The following ZNF655 variants were observed in gnomAD, a reference collection of about 807,000 sequenced individuals.
The protein encoded by ZNF655 is Vav-interacting Kruppel-like protein 1.
Under a neutral mutation model 6.6 loss-of-function variants are expected in ZNF655, and 3 were observed. That is an observed-to-expected ratio of 0.46 (90% CI 0.21 to 1.18). The LOEUF is 1.18. Among genes scored for constraint, ZNF655 ranks in the 50% most tolerant of loss-of-function variants. ZNF655 has a pLI of 0.24. For synonymous variants in ZNF655, 178 were observed against 195.0 expected, an observed-to-expected ratio of 0.91 and a Z score of 0.73; for missense variants, 526 against 572.3, an observed-to-expected ratio of 0.92 and a Z score of 0.83.
chr7:99,574,056 A>T lies in ZNF655; in HGVS notation c.*472A>T, dbSNP rs1383283013. On this transcript the variant is annotated 3_prime_UTR_variant, in exon 3 of 3. Coordinates refer to ENST00000252713, the MANE Select transcript of ZNF655 (RefSeq NM_138494.3). Reference sequence around the variant, plus strand: ...TCAGTCATAACCCAACGCTCATTCAACATCAAAGAATTTATACCTAAGAGA... The same window carrying T: ...TCAGTCATAACCCAACGCTCATTCATCATCAAAGAATTTATACCTAAGAGA... 6.4e-6 allele frequency: 1 copy of T among 156,446 alleles called. No individual in the cohort carries two copies. Among genetic ancestry groups the T allele is most frequent in the Non-Finnish European group, 1.4e-5 (1 of 70,542 alleles). 9.7% of individuals were successfully genotyped at this position (156,446 alleles called of 1,614,324 possible).
intron 2 of ZNF655, chr7:99,563,278 TC>T (rs1199743478): frequency 3.4e-6 from 1 of 291,256 alleles, no homozygotes; most frequent in Non-Finnish European, 6.8e-6. Flanking sequence ...TGAGCATTGT[TC>T]CTTTTTCTTT....
chr7:99,560,940 T>TGGA lies in ZNF655; in HGVS notation c.136+245_136+246insGGA, dbSNP rs1803097378. ...CTTACTCGCTGTGGTGGTTTTTCCT[T>TGGA]CAGGCAACCTTCACTTCATCCCAGT... On this transcript the variant is annotated intron_variant, in intron 2 of 2. Transcript: ENST00000252713. The TGGA allele has an allele frequency of 2.8e-5, 10 of 356,190 alleles. No homozygotes were observed. The East Asian group carries it at 4.9e-4, about 17-fold the overall frequency. The allele number at this position is 356,190 out of a possible 1,614,324, so 22.1% of individuals were successfully genotyped here. A position where few individuals can be genotyped will look rare whatever the true frequency, so the allele number is the denominator to read the frequency against.
In ZNF655 at chr7:99,560,370, G is replaced by A. The variant is rs368000174; in HGVS notation, c.-27-163G>A. The stretch of plus-strand genomic sequence containing the variant: ...AAGTGCTGGGATTACAGGCCACTGC[G>A]CCTGGCCCCATTTTTCTGTTACTTA... On this transcript the variant is annotated intron_variant, in intron 1 of 2. Coordinates refer to ENST00000252713, the MANE Select transcript of ZNF655 (RefSeq NM_138494.3). 8.2e-5 allele frequency: 49 copies of A among 598,444 alleles called. 1 individual carries two copies. Among genetic ancestry groups the A allele is most frequent in the African/African-American group, 6.0e-4 (31 of 52,008 alleles). 37.1% of individuals were successfully genotyped at this position (598,444 alleles called of 1,614,324 possible). A position where few individuals can be genotyped will look rare whatever the true frequency, so the allele number is the denominator to read the frequency against.
chr7:99,560,791 GAATA>G, intron 2 of ZNF655, 96 bp downstream of exon 2: 1 of 1,491,354 alleles, frequency 6.7e-7, no homozygotes, highest in Admixed American at 2.0e-5. Flanking sequence ...CCAAGAACTG[GAATA>G]AGAACATGGT....
chr7:99,563,971 C>G (rs369712380), intron 2 of ZNF655: 26 of 1,614,024 alleles, frequency 1.6e-5, no homozygotes, highest in Non-Finnish European at 2.0e-5. Context: ...GCCGTCCTTA[C>G]AGCAGGAATC....
chr7:99,576,050 G>T lies in ZNF655; in HGVS notation c.*2466G>T, dbSNP rs181244314. The T allele has an allele frequency of 9.9e-5, 15 of 152,236 alleles. No homozygotes were observed. The highest frequency in any genetic ancestry group is 3.6e-4 in the African/African-American group (15 of 41,530). The allele number at this position is 152,236 out of a possible 1,614,324, so 9.4% of individuals were successfully genotyped here. ...CAGTCCAGCAATTGAGGCTTTCATA[G>T]TTCAGTGTTATAATATTCAGTAGGG... On this transcript the variant is annotated 3_prime_UTR_variant, in exon 3 of 3. Transcript: ENST00000252713.
intron 2 of ZNF655, among the ~76,000 whole-genome samples, chr7:99,569,266 A>G (rs1803861689): frequency 6.6e-6 from 1 of 152,222 alleles, no homozygotes; most frequent in Non-Finnish European, 1.5e-5. Context: ...TAATACATTA[A>G]TTTTAAACAG....
At chr7:99,565,759 A>G (rs1201821701) in intron 2 of ZNF655, among the ~76,000 whole-genome samples, 1 of 152,186 alleles carries the variant, frequency 6.6e-6, no homozygotes, top group East Asian at 1.9e-4. Context: ...GTGCCCTATT[A>G]GATGATGGCC....
rs778687034 is a variant in ZNF655 at position 99,560,740 on chromosome 7, A to C, written c.136+45A>C. The stretch of plus-strand genomic sequence containing the variant: ...TCCGTCTGGGAGAGTGGGAGTGCGG[A>C]GGGGCTCCCGAGGGGGCTCCTGGGC... On this transcript the variant is annotated intron_variant, in intron 2 of 2. Coordinates refer to ENST00000252713, the MANE Select transcript of ZNF655 (RefSeq NM_138494.3). 6 of 1,600,760 alleles carry C rather than the reference A, an allele frequency of 3.7e-6. No homozygotes were observed. In the African/African-American group the frequency reaches 6.7e-5, roughly 18 times the overall value.
chr7:99,567,127 C>T (rs1394871155), intron 2 of ZNF655, among the ~76,000 whole-genome samples: 2 of 152,066 alleles, frequency 1.3e-5, no homozygotes, highest in Non-Finnish European at 2.9e-5. Flanking sequence ...GCCATGTTGG[C>T]CAGGCTGGTC....
chr7:99,568,303 T>G (rs1284563887), intron 2 of ZNF655, among the ~76,000 whole-genome samples: 5 of 137,656 alleles, frequency 3.6e-5, no homozygotes, highest in African/African-American at 1.4e-4. Context: ...CAGGCTGGAG[T>G]GTAGTGGCGT....
intron 2 of ZNF655, chr7:99,562,305 A>T (rs1227975312): frequency 1.3e-6 from 2 of 1,597,048 alleles, no homozygotes; most frequent in South Asian, 2.3e-5. Flanking sequence ...TATGATCTTC[A>T]TTCTCTGGCC....
At chr7:99,561,287 A>G (rs1229195875) in intron 2 of ZNF655, among the ~76,000 whole-genome samples, 1 of 152,216 alleles carries the variant, frequency 6.6e-6, no homozygotes, top group Non-Finnish European at 1.5e-5. Context: ...TTTGTTTTAT[A>G]AGAGCTGTGT....
intron 2 of ZNF655, among the ~76,000 whole-genome samples, chr7:99,565,691 G>A (rs749674234): frequency 2.7e-4 from 41 of 152,250 alleles, no homozygotes; most frequent in Middle Eastern, 3.4e-3. Flanking sequence ...TACTTAGTGT[G>A]GTAGATTAAG....
chr7:99,563,147 G>A (rs1357954744), intron 2 of ZNF655: 1 of 451,410 alleles, frequency 2.2e-6, no homozygotes, highest in African/African-American at 2.0e-5. Flanking sequence ...CTGAGGTGGG[G>A]TCAATGCTTA....
chr7:99,566,975 G>A (rs953308980), intron 2 of ZNF655, among the ~76,000 whole-genome samples: 4 of 151,932 alleles, frequency 2.6e-5, no homozygotes, highest in African/African-American at 9.7e-5. Flanking sequence ...GCTGGAGTGT[G>A]GTGGCACAAT....
At chr7:99,558,928 G>T (rs1485658933) in intron 1 of ZNF655, 141 bp downstream of exon 1, 1 of 152,312 alleles carries the variant, frequency 6.6e-6, no homozygotes, top group African/African-American at 2.4e-5. Context: ...GGTGCGAGGA[G>T]GGCCTGTTTC....
Position 99,574,507 on chromosome 7 carries a change from G to C in ZNF655, c.*923G>C, listed in dbSNP as rs1335147337. ...ATCCTCCCACCTGTCCTCCCAAAGT[G>C]CTGGGGTTACAGGCGTGTGTCACTG... On this transcript the variant is annotated 3_prime_UTR_variant, in exon 3 of 3. Transcript: ENST00000252713. 6.6e-6 allele frequency: 1 copy of C among 152,222 alleles called. No homozygotes were observed. The highest frequency in any genetic ancestry group is 6.5e-5 in the Admixed American group (1 of 15,274). 9.4% of individuals were successfully genotyped at this position (152,222 alleles called of 1,614,324 possible). A position where few individuals can be genotyped will look rare whatever the true frequency, so the allele number is the denominator to read the frequency against.
intron 2 of ZNF655, chr7:99,562,614 C>G (rs886582051): frequency 8.5e-6 from 8 of 938,784 alleles, no homozygotes; most frequent in Non-Finnish European, 1.2e-5. Flanking sequence ...GGACTTAGAA[C>G]CTCTGAATCC....
Sources: gnomAD v4.1 joint callset for allele counts (sites outside exome capture counted in the v4.1 genomes callset) on GRCh38, gnomAD v4.1.1 for gene constraint, MANE v1.5 for transcripts, NCBI Gene and HGNC (gene_info 2026-07-23, HGNC 2026-07-21) for gene names.